The following TRIM36 variants were observed in gnomAD, a reference collection of about 807,000 sequenced individuals.
TRIM36 encodes tripartite motif containing 36.
A neutral mutation model predicts 72.4 loss-of-function variants in TRIM36; 42 were observed. That is an observed-to-expected ratio of 0.58 (90% confidence interval 0.45 to 0.75). The LOEUF (loss-of-function observed/expected upper bound fraction) is 0.75, where lower values mean the gene tolerates loss of function less well. Ranked by LOEUF, TRIM36 falls within the 30% of genes least tolerant of loss-of-function variation. TRIM36 has a pLI of 0.00. For missense variants in TRIM36, 913 were observed against 857.1 expected (o/e 1.07, Z -0.81); for synonymous variants, 315 against 282.8 (o/e 1.11, Z -1.14).
chr5:115,171,508 T>C (rs955571137), upstream of TRIM36, among the ~76,000 whole-genome samples: 1 of 152,198 alleles, frequency 6.6e-6, no homozygotes. Context: ...GGCTCAACCA[T>C]TAGAAAGCAT....
chr5:115,170,056 G>T, upstream of TRIM36: 1 of 861,980 alleles, frequency 1.2e-6, no homozygotes, highest in Non-Finnish European at 1.4e-6. Flanking sequence ...TGAGTGGTAG[G>T]CTGAGCGGGA....
intron 2 of TRIM36, among the ~76,000 whole-genome samples, chr5:115,161,175 T>A (rs1754463463): frequency 6.6e-6 from 1 of 150,908 alleles, no homozygotes; most frequent in Non-Finnish European, 1.5e-5. Context: ...CTTTGCACAA[T>A]GCTAAGGGGT....
chr5:115,151,120 G>C (rs1017796153), intron 2 of TRIM36, among the ~76,000 whole-genome samples: 1 of 152,170 alleles, frequency 6.6e-6, no homozygotes, highest in Non-Finnish European at 1.5e-5. Context: ...GCTGGGAGGC[G>C]GGTAGACTGG....
chr5:115,145,000 G>C (rs910343584), intron 3 of TRIM36, among the ~76,000 whole-genome samples: 3 of 152,062 alleles, frequency 2.0e-5, no homozygotes, highest in Non-Finnish European at 4.4e-5. Context: ...GCCTGATCTC[G>C]TCATAATATA....
intron 2 of TRIM36, among the ~76,000 whole-genome samples, chr5:115,159,897 A>G (rs1358193687): frequency 6.6e-6 from 1 of 152,196 alleles, no homozygotes; most frequent in Non-Finnish European, 1.5e-5. Flanking sequence ...CACTTAAGAG[A>G]CAATACTTTG....
At chr5:115,149,916 G>A (rs984793070) in intron 2 of TRIM36, among the ~76,000 whole-genome samples, 2 of 151,088 alleles carry the variant, frequency 1.3e-5, no homozygotes, top group African/African-American at 2.5e-5. Context: ...CTGCCACCAC[G>A]CCCGGCTAAT....
intron 2 of TRIM36, among the ~76,000 whole-genome samples, chr5:115,150,186 A>AAG (rs1282129073): frequency 1.3e-5 from 2 of 152,226 alleles, no homozygotes; most frequent in African/African-American, 4.8e-5. Context: ...GAATCTTAGG[A>AAG]TATTCTGGGA....
intron 9 of TRIM36, among the ~76,000 whole-genome samples, chr5:115,128,785 A>AAAAAAAAAAAAAAAAAAC (rs1752501809): frequency 7.0e-6 from 1 of 142,716 alleles, no homozygotes; most frequent in Non-Finnish European, 1.6e-5. Flanking sequence ...AAAAAAAAAA[A>AAAAAAAAAAAAAAAAAAC]AAATTGAAAG....
At chr5:115,164,966 G>C (rs1319334723) in intron 1 of TRIM36, among the ~76,000 whole-genome samples, 1 of 152,188 alleles carries the variant, frequency 6.6e-6, no homozygotes, top group Admixed American at 6.5e-5. Context: ...GGGGCTACAG[G>C]TCCCATGAAA....
intron 9 of TRIM36, among the ~76,000 whole-genome samples, chr5:115,127,262 T>C (rs2112754380): frequency 6.6e-6 from 1 of 152,332 alleles, no homozygotes; most frequent in Admixed American, 6.5e-5. Context: ...AAGACTATAA[T>C]GAAACTAAAA....
chr5:115,165,683 A>T (rs893937068), intron 1 of TRIM36, among the ~76,000 whole-genome samples: 1 of 152,164 alleles, frequency 6.6e-6, no homozygotes, highest in Admixed American at 6.5e-5. Flanking sequence ...GGACCCAGGA[A>T]CAGGCAGGAG....
intron 2 of TRIM36, among the ~76,000 whole-genome samples, chr5:115,160,303 T>TA (rs1317586370): frequency 1.6e-4 from 25 of 152,150 alleles, no homozygotes; most frequent in Non-Finnish European, 2.9e-5. Context: ...GTAGCCATAT[T>TA]AAAAAAATTG....
intron 5 of TRIM36, among the ~76,000 whole-genome samples, chr5:115,140,875 G>C (rs1753241174): frequency 1.3e-5 from 2 of 152,016 alleles, no homozygotes; most frequent in Admixed American, 6.5e-5. Flanking sequence ...ATACACTCAG[G>C]AATACCGGGA....
chr5:115,134,247 T>C, intron 7 of TRIM36, 100 bp from the exon 8 acceptor site: 2 of 1,051,540 alleles, frequency 1.9e-6, no homozygotes, highest in Non-Finnish European at 2.6e-6. Context: ...TTTAATGATT[T>C]CTATACTAAT....
chr5:115,134,683 G>A (rs1421843893), intron 7 of TRIM36, among the ~76,000 whole-genome samples: 1 of 152,022 alleles, frequency 6.6e-6, no homozygotes, highest in Non-Finnish European at 1.5e-5. Context: ...TGGGATTACA[G>A]GTGCGTGCTA....
chr5:115,179,978 G>C, exon 1 of TRIM36: 2 of 1,614,020 alleles, frequency 1.2e-6, no homozygotes, highest in Non-Finnish European at 1.7e-6. Flanking sequence ...CACTTACCTT[G>C]CCTTTAGCTA....
intron 2 of TRIM36, among the ~76,000 whole-genome samples, chr5:115,154,112 G>C (rs1441200805): frequency 7.2e-5 from 11 of 151,842 alleles, no homozygotes; most frequent in Admixed American, 7.2e-4. Context: ...AAATTAAGAT[G>C]AAATTTAAAA....
rs1031585056 is a variant in TRIM36, at chr5:115,130,876, G to A, written c.1512C>T (p.Leu504=). ...HTPPAPVFSF[L]FDEKCGYNNE... ...TATTATAGCCACATTTTTCATCAAA[G>A]AGGAAGCTGAAAACTAAATGGAGCT... The change falls in exon 9 of 10, where the codon CTC becomes CTT. Residue 504 remains leucine (L), a synonymous_variant. Transcript: ENST00000513154. The A allele has an allele frequency of 6.2e-7, 1 of 1,606,426 alleles. No homozygotes were observed. Among genetic ancestry groups the A allele is most frequent in the East Asian group, 2.2e-5 (1 of 44,738 alleles).
At chr5:115,144,567 A>G in intron 4 of TRIM36, 31 bp downstream of exon 4, 2 of 1,612,378 alleles carry the variant, frequency 1.2e-6, no homozygotes, top group Middle Eastern at 1.7e-4. Context: ...GTTACGAAGA[A>G]TCAAAATTCT....
Sources: gnomAD v4.1 joint callset for allele counts (sites outside exome capture counted in the v4.1 genomes callset) on GRCh38, gnomAD v4.1.1 for gene constraint, MANE v1.5 for transcripts, NCBI Gene and HGNC (gene_info 2026-07-23, HGNC 2026-07-21) for gene names.